CDYL: variants seen among roughly 807,000 people sequenced by gnomAD.
CDYL encodes the protein chromodomain Y like.
Under a neutral mutation model 47.3 loss-of-function variants are expected in CDYL, and 8 were observed. The observed-to-expected ratio is 0.17, with a 90% CI of 0.10 to 0.31. The LOEUF (loss-of-function observed/expected upper bound fraction) is 0.31, where lower values mean the gene tolerates loss of function less well. CDYL is among the 10% of genes least tolerant of loss of function. The probability of loss-of-function intolerance (pLI) is 1.00; values close to 1 mark genes in which losing one functional copy is unlikely to be tolerated. For missense variants in CDYL, 471 were observed against 701.4 expected (o/e 0.67, Z 3.71); for synonymous variants, 266 against 265.0 (o/e 1.00, Z -0.04).
chr6:4,810,270 G>T (rs945389127), intron 1 of CDYL, among the ~76,000 whole-genome samples: 2 of 152,138 alleles, frequency 1.3e-5, no homozygotes, highest in African/African-American at 4.8e-5. Flanking sequence ...TTCAGTTCAG[G>T]CATCAGTTCC....
chr6:4,826,815 T>C (rs1404233233), intron 1 of CDYL, among the ~76,000 whole-genome samples: 1 of 152,252 alleles, frequency 6.6e-6, no homozygotes, highest in Non-Finnish European at 1.5e-5. Context: ...TTCTGCTGTT[T>C]GGTGAAGTGT....
chr6:4,938,170 G>A (rs1758255844), intron 4 of CDYL, among the ~76,000 whole-genome samples: 1 of 151,830 alleles, frequency 6.6e-6, no homozygotes. Context: ...AATTGTCTAG[G>A]CTTTATGATG....
intron 1 of CDYL, among the ~76,000 whole-genome samples, chr6:4,818,572 T>C (rs951579516): frequency 3.3e-5 from 5 of 152,324 alleles, no homozygotes; most frequent in East Asian, 3.9e-4. Context: ...TTATTGACTT[T>C]TGGGCCACAA....
intron 1 of CDYL, among the ~76,000 whole-genome samples, chr6:4,861,479 G>A (rs890164369): frequency 6.6e-6 from 1 of 152,204 alleles, no homozygotes; most frequent in African/African-American, 2.4e-5. Flanking sequence ...TGTTTTTTGA[G>A]GGCCAAGAGG....
intron 1 of CDYL, among the ~76,000 whole-genome samples, chr6:4,780,926 A>G (rs1758602183): frequency 6.6e-6 from 1 of 152,190 alleles, no homozygotes; most frequent in African/African-American, 2.4e-5. Flanking sequence ...TAAGGAACGT[A>G]TGCTGTAGTA....
intron 3 of CDYL, among the ~76,000 whole-genome samples, chr6:4,742,456 G>C (rs964880030): frequency 5.3e-5 from 8 of 150,454 alleles, no homozygotes; most frequent in Non-Finnish European, 1.0e-4. Flanking sequence ...GAAAAGAAAA[G>C]AAAAAGGAAG....
chr6:4,953,136 C>T (rs918746813), intron 6 of CDYL, among the ~76,000 whole-genome samples: 1 of 151,420 alleles, frequency 6.6e-6, no homozygotes, highest in Non-Finnish European at 1.5e-5. Context: ...ATAATCCCAG[C>T]ACTTTGGGAG....
rs561960496 is a variant in CDYL at position 4,750,108 on chromosome 6, G to C, written c.186+15264G>C. Among the ~76,000 whole-genome samples the C allele has an allele frequency of 4.7e-3, 716 of 152,262 alleles. 3 individuals carry two copies. Among genetic ancestry groups the C allele is most frequent in the Non-Finnish European group, 7.9e-3 (539 of 68,006 alleles). ...AATCTCAGCACTTTGGGAGGCTGAG[G>C]CTGGAAGACTGCTTGAGGCCAGGAG... On this transcript the variant is annotated intron_variant, in intron 3 of 8. Coordinates refer to the CDYL transcript ENST00000328908.
intron 2 of CDYL, among the ~76,000 whole-genome samples, chr6:4,931,884 T>C (rs77281944): frequency 0.052 from 7,883 of 152,296 alleles, 225 homozygotes; most frequent in Middle Eastern, 0.13. Flanking sequence ...CATTTTTAAA[T>C]TAGCAGAACC....
At chr6:4,751,382 A>C (rs560089106) in intron 3 of CDYL, among the ~76,000 whole-genome samples, 1 of 152,334 alleles carries the variant, frequency 6.6e-6, no homozygotes, top group East Asian at 1.9e-4. Context: ...AGTGATTTGC[A>C]AGCACATTAA....
intron 3 of CDYL, among the ~76,000 whole-genome samples, chr6:4,750,264 A>T (rs929546304): frequency 6.6e-6 from 1 of 152,118 alleles, no homozygotes; most frequent in Non-Finnish European, 1.5e-5. Context: ...GAGCAATGGC[A>T]CGATCTTGGC....
At chr6:4,737,593 G>A (rs950759039) in intron 3 of CDYL, among the ~76,000 whole-genome samples, 9 of 151,316 alleles carry the variant, frequency 5.9e-5, no homozygotes, top group Admixed American at 5.3e-4. Flanking sequence ...GTTGCAGTGA[G>A]CCGTGATCAT....
intron 2 of CDYL, among the ~76,000 whole-genome samples, chr6:4,926,749 A>G (rs1757885127): frequency 6.6e-6 from 1 of 152,238 alleles, no homozygotes; most frequent in Non-Finnish European, 1.5e-5. Flanking sequence ...TATAATTTAC[A>G]TTCCTAATAA....
intron 1 of CDYL, among the ~76,000 whole-genome samples, chr6:4,871,616 G>C (rs59124175): frequency 1.2e-4 from 19 of 152,286 alleles, no homozygotes; most frequent in African/African-American, 4.3e-4. Flanking sequence ...CTACAAGCTA[G>C]TGTCAAACCT....
At chr6:4,706,520 T>C (rs1344988921) in intron 1 of CDYL, among the ~76,000 whole-genome samples, 3 of 152,022 alleles carry the variant, frequency 2.0e-5, no homozygotes, top group Non-Finnish European at 4.4e-5. Context: ...AGGCCGGGTA[T>C]GGTGGCTCAG....
chr6:4,708,253 TC>T (rs1410005664), intron 1 of CDYL, among the ~76,000 whole-genome samples: 1 of 152,046 alleles, frequency 6.6e-6, no homozygotes, highest in Non-Finnish European at 1.5e-5. Context: ...AACCTCCACC[TC>T]CAGGGTTCAA....
chr6:4,774,295 G>A (rs548485738), upstream of CDYL, among the ~76,000 whole-genome samples: 20 of 152,258 alleles, frequency 1.3e-4, no homozygotes, highest in Non-Finnish European at 2.9e-4. Context: ...GTATTTGAGC[G>A]CTTGCCGAAG....
chr6:4,840,917 A>C (rs1233794798), intron 1 of CDYL, among the ~76,000 whole-genome samples: 1 of 152,054 alleles, frequency 6.6e-6, no homozygotes, highest in African/African-American at 2.4e-5. Context: ...TATTAGAGTG[A>C]CACTGGCTTC....
intron 1 of CDYL, among the ~76,000 whole-genome samples, chr6:4,854,239 C>G (rs1289650347): frequency 6.6e-6 from 1 of 152,216 alleles, no homozygotes. Flanking sequence ...GGAATTGTCG[C>G]TTAGATTCTT....
Sources: gnomAD v4.1 joint callset for allele counts (sites outside exome capture counted in the v4.1 genomes callset) on GRCh38, gnomAD v4.1.1 for gene constraint, MANE v1.5 for transcripts, NCBI Gene and HGNC (gene_info 2026-07-23, HGNC 2026-07-21) for gene names.